CARF: variants seen among roughly 807,000 people sequenced by gnomAD.
CARF encodes calcium responsive transcription factor, also known as calcium-responsive transcription factor.
A neutral mutation model predicts 82.0 loss-of-function variants in CARF; 57 were observed. That is an observed-to-expected ratio of 0.70 (90% confidence interval 0.56 to 0.87). The LOEUF (loss-of-function observed/expected upper bound fraction) is 0.87, where lower values mean the gene tolerates loss of function less well. Ranked by LOEUF, CARF falls within the 40% of genes least tolerant of loss-of-function variation. The pLI is 0.00. For missense variants in CARF, 771 were observed against 855.8 expected, an observed-to-expected ratio of 0.90 and a Z score of 1.24; for synonymous variants, 268 against 290.1, an observed-to-expected ratio of 0.92 and a Z score of 0.77.
At chr2:202,952,765 A>T (rs1389919354) in intron 6 of CARF, 86 bp downstream of exon 6, 3 of 1,337,854 alleles carry the variant, frequency 2.2e-6, no homozygotes, top group African/African-American at 2.9e-5. Flanking sequence ...AGTCAGTGCT[A>T]AAGTTGATTT....
In CARF at chr2:202,986,902, A is replaced by ATC. The variant is rs1339727005; in HGVS notation, c.*3279_*3280insCT. 7.2e-6 allele frequency: 1 copy of ATC among 139,716 alleles called. No individual in the cohort carries two copies. Among genetic ancestry groups the ATC allele is most frequent in the Non-Finnish European group, 1.5e-5 (1 of 64,618 alleles). 8.7% of individuals were successfully genotyped at this position (139,716 alleles called of 1,614,324 possible). A position where few individuals can be genotyped will look rare whatever the true frequency, so the allele number is the denominator to read the frequency against. On this transcript the variant is annotated 3_prime_UTR_variant, in exon 17 of 17. Coordinates refer to ENST00000438828, the MANE Select transcript of CARF (RefSeq NM_024744.17). ...TATATATATATATATATATATATAT[A>ATC]TATATAGCAACTTGATGTATAGTGT...
intron 1 of CARF, among the ~76,000 whole-genome samples, chr2:202,916,396 T>G (rs1689667975): frequency 6.6e-6 from 1 of 152,042 alleles, no homozygotes; most frequent in African/African-American, 2.4e-5. Flanking sequence ...TTGGCCAGGA[T>G]GGTCTCAATC....
chr2:202,953,498 G>GTTTTTTTTTTTTTTTT (rs67855316), intron 6 of CARF, among the ~76,000 whole-genome samples: 1 of 70,294 alleles, frequency 1.4e-5, no homozygotes, highest in African/African-American at 5.6e-5. Context: ...TTTTTTTGTT[G>GTTTTTTTTTTTTTTTT]TTTTTTTTTT....
At chr2:202,971,372 A>ATTTTT in intron 11 of CARF, 133 bp from the exon 12 acceptor site, 1 of 449,200 alleles carries the variant, frequency 2.2e-6, no homozygotes, top group Non-Finnish European at 3.8e-6. Context: ...ACCATATATA[A>ATTTTT]TTTTTTCTTA....
chr2:202,954,216 A>G (rs2058918332), intron 7 of CARF, 82 bp downstream of exon 7: 6 of 1,433,400 alleles, frequency 4.2e-6, no homozygotes, highest in Non-Finnish European at 5.6e-6. Context: ...AAGCTGGCAG[A>G]CTATAGAGAA....
Position 202,982,401 on chromosome 2 carries a change from G to A in CARF, c.2019G>A (p.Gln673=), listed in dbSNP as rs77036603. The part of the protein sequence containing the change: ...TVHRILLGDV[Q]TIPIQIIDNH... ...ATCGGATTCTGTTGGGAGATGTGCA[G>A]ACTATTCCAATACAGATTATAGACA... The change falls in exon 16 of 17, where the codon CAG becomes CAA. Residue 673 remains glutamine, a synonymous_variant. Coordinates refer to ENST00000438828, the MANE Select transcript of CARF (RefSeq NM_024744.17). 12,011 of 1,613,976 alleles carry A rather than the reference G, an allele frequency of 7.4e-3. 689 individuals are homozygous for A. The African/African-American group carries it at 0.13, about 18-fold the overall frequency.
At position 202,949,195 on chromosome 2, in the gene CARF, A is replaced by G. The variant is rs927465653; in HGVS notation, c.307-3364A>G. On this transcript the variant is annotated intron_variant, in intron 5 of 16. Transcript: ENST00000438828. Reference sequence around the variant, plus strand: ...CTAAAAATATGAAAATTAGCCAGGCATGGTGGTGCATACCTGTAATGCCAT... The same window carrying G: ...CTAAAAATATGAAAATTAGCCAGGCGTGGTGGTGCATACCTGTAATGCCAT... Among the ~76,000 whole-genome samples the G allele has an allele frequency of 2.6e-5, 4 of 152,098 alleles. No individual in the cohort carries two copies. The South Asian group carries it at 8.3e-4, about 32-fold the overall frequency.
At chr2:202,952,878 T>G (rs1158466030) in intron 6 of CARF, among the ~76,000 whole-genome samples, 199 bp downstream of exon 6, 4 of 152,184 alleles carry the variant, frequency 2.6e-5, no homozygotes, top group Admixed American at 6.5e-5. Context: ...CTATTTCATT[T>G]AAGAATTCTA....
intron 5 of CARF, among the ~76,000 whole-genome samples, chr2:202,950,985 G>A (rs2058730590): frequency 6.6e-6 from 1 of 151,968 alleles, no homozygotes; most frequent in Non-Finnish European, 1.5e-5. Context: ...GTTTGTTGAA[G>A]TTTTTCCCCT....
At chr2:202,955,823 T>C (rs1383054831) in intron 8 of CARF, 65 bp downstream of exon 8, 11 of 1,219,956 alleles carry the variant, frequency 9.0e-6, no homozygotes, top group Admixed American at 2.0e-5. Context: ...CATCCCCAAA[T>C]GCCACTTTTG....
At chr2:202,957,393 C>G (rs1490517411) in intron 8 of CARF, among the ~76,000 whole-genome samples, 4 of 152,140 alleles carry the variant, frequency 2.6e-5, no homozygotes, top group Non-Finnish European at 5.9e-5. Context: ...TACTTTATTT[C>G]CTACTTTTCT....
At position 202,969,912 on chromosome 2, in the gene CARF, T is replaced by C. The variant is rs749674917; in HGVS notation, c.954-7T>C. ...ATGAAACAAATTCTTCTTTATCTTG[T>C]ATAAAGGATTTACATTAAAAAGGTA... is the stretch of plus-strand genomic sequence containing the variant. On this transcript the variant is annotated splice_region_variant and splice_polypyrimidine_tract_variant and intron_variant, in intron 10 of 16. Transcript: ENST00000438828. 2.1e-6 allele frequency: 3 copies of C among 1,453,198 alleles called. No homozygotes were observed. The African/African-American group carries it at 4.4e-5, about 21-fold the overall frequency. 90.0% of individuals were successfully genotyped at this position (1,453,198 alleles called of 1,614,324 possible). A position where few individuals can be genotyped will look rare whatever the true frequency, so the allele number is the denominator to read the frequency against.
chr2:202,943,625 CACACAT>C lies in CARF; in HGVS notation c.306+660_306+665del, dbSNP rs1161011998. The stretch of plus-strand genomic sequence containing the variant: ...ACACACACACACACACACACACACA[CACACAT>C]ATTAGGCTAACTCCAGTTTTGTTTT... On this transcript the variant is annotated intron_variant, in intron 5 of 16. Transcript: ENST00000438828. Among the ~76,000 whole-genome samples the C allele has an allele frequency of 2.9e-3, 351 of 121,884 alleles. 1 individual carries two copies. Among genetic ancestry groups the C allele is most frequent in the Middle Eastern group, 4.6e-3 (1 of 216 alleles). The allele number at this position is 121,884 out of a possible 152,430, so 80.0% of individuals were successfully genotyped here. A position where few individuals can be genotyped will look rare whatever the true frequency, so the allele number is the denominator to read the frequency against.
At chr2:202,976,334 C>T (rs560092071) in intron 13 of CARF, among the ~76,000 whole-genome samples, 1 of 151,952 alleles carries the variant, frequency 6.6e-6, no homozygotes, top group Non-Finnish European at 1.5e-5. Context: ...GCCACCATGC[C>T]CGGCTAATTT....
At chr2:202,978,169 G>T (rs992413427) in intron 14 of CARF, among the ~76,000 whole-genome samples, 1 of 152,068 alleles carries the variant, frequency 6.6e-6, no homozygotes, top group African/African-American at 2.4e-5. Flanking sequence ...TCTATAATGA[G>T]CATCTGACTG....
At chr2:202,963,003 C>T (rs2059386346) in intron 9 of CARF, 1 of 152,212 alleles carries the variant, frequency 6.6e-6, no homozygotes, top group Admixed American at 6.6e-5. Flanking sequence ...ATGCCCATTT[C>T]ATCTTTACAA....
intron 3 of CARF, among the ~76,000 whole-genome samples, chr2:202,929,565 C>G (rs1002306730): frequency 2.3e-4 from 35 of 152,214 alleles, no homozygotes; most frequent in African/African-American, 7.9e-4. Flanking sequence ...TATGCCAGTA[C>G]TGTGATGTTT....
rs1180783162 is a variant in CARF at position 202,925,226 on chromosome 2, A to G, written c.-44+811A>G. 3 of 362,022 alleles carry G rather than the reference A, an allele frequency of 8.3e-6. No homozygotes were observed. In the East Asian group the frequency reaches 2.1e-4, roughly 25 times the overall value. 22.4% of individuals were successfully genotyped at this position (362,022 alleles called of 1,614,324 possible). A position where few individuals can be genotyped will look rare whatever the true frequency, so the allele number is the denominator to read the frequency against. On this transcript the variant is annotated intron_variant, in intron 3 of 16. Coordinates refer to ENST00000438828, the MANE Select transcript of CARF (RefSeq NM_024744.17). ...ATGGAGAATGAATTTGTCCTCATCA[A>G]GAAGGATATGAATGTAGCTTACATG...
intron 8 of CARF, among the ~76,000 whole-genome samples, chr2:202,958,538 A>G (rs2059158256): frequency 6.6e-6 from 1 of 152,094 alleles, no homozygotes; most frequent in African/African-American, 2.4e-5. Context: ...AACAGACTTG[A>G]GTATGGTTGT....
Sources: gnomAD v4.1 joint callset for allele counts (sites outside exome capture counted in the v4.1 genomes callset) on GRCh38, gnomAD v4.1.1 for gene constraint, MANE v1.5 for transcripts, NCBI Gene and HGNC (gene_info 2026-07-23, HGNC 2026-07-21) for gene names.